The following BBX variants were observed in gnomAD, a reference collection of about 807,000 sequenced individuals.
BBX encodes BBX high mobility group box domain containing, also known as HMG box transcription factor BBX.
A neutral mutation model predicts 100.2 loss-of-function variants in BBX; 30 were observed. The ratio of observed to expected loss-of-function variants is 0.30; its 90% CI spans 0.22 to 0.41. The LOEUF is 0.41. Ranked by LOEUF, BBX falls within the 10% of genes least tolerant of loss-of-function variation. BBX has a pLI of 1.00. For missense variants in BBX, 1,023 were observed against 1,129.8 expected, an observed-to-expected ratio of 0.91 and a Z score of 1.35; for synonymous variants, 376 against 388.1, an observed-to-expected ratio of 0.97 and a Z score of 0.37.
intron 3 of BBX, chr3:107,662,718 C>T (rs1370617101): frequency 2.1e-5 from 3 of 145,824 alleles, no homozygotes; most frequent in Non-Finnish European, 4.5e-5. Flanking sequence ...CTAGTAGATG[C>T]ATGCTTTTCA....
At chr3:107,621,492 G>A (rs1179451775) in intron 2 of BBX, among the ~76,000 whole-genome samples, 2 of 152,070 alleles carry the variant, frequency 1.3e-5, no homozygotes, top group African/African-American at 4.8e-5. Flanking sequence ...TTTTAATGTA[G>A]CAGAGAAAAT....
At chr3:107,755,805 CAAT>C in intron 10 of BBX, 127 bp downstream of exon 10, 2 of 778,856 alleles carry the variant, frequency 2.6e-6, no homozygotes, top group East Asian at 2.5e-5. Flanking sequence ...TAATTTTCAA[CAAT>C]GAGAGGGTTA....
At chr3:107,700,619 T>C (rs969504568) in intron 3 of BBX, among the ~76,000 whole-genome samples, 2 of 123,234 alleles carry the variant, frequency 1.6e-5, no homozygotes, top group Admixed American at 1.8e-4. Context: ...CCCCGGTGTG[T>C]GATGTTCCCC....
intron 2 of BBX, among the ~76,000 whole-genome samples, chr3:107,541,709 G>C (rs1302221980): frequency 6.6e-6 from 1 of 151,940 alleles, no homozygotes; most frequent in African/African-American, 2.4e-5. Flanking sequence ...AAATTAATTA[G>C]AGAATATGAT....
At chr3:107,720,299 G>T (rs1368212326) in intron 5 of BBX, among the ~76,000 whole-genome samples, 1 of 151,886 alleles carries the variant, frequency 6.6e-6, no homozygotes, top group African/African-American at 2.4e-5. Flanking sequence ...AGTATATTTG[G>T]GTAATTATGG....
At position 107,811,019 on chromosome 3, in the gene BBX, C is replaced by CT. The variant is rs2071263965; in HGVS notation, c.*5564dup. On this transcript the variant is annotated 3_prime_UTR_variant, in exon 18 of 18. Transcript: ENST00000325805. ...AATGGTACAACAGAATTATTGCTTT[C>CT]TTAGATGTATGTGTAGTAAAAGTCA... The CT allele has an allele frequency of 6.6e-6, 1 of 151,684 alleles. No homozygotes were observed. The highest frequency in any genetic ancestry group is 1.5e-5 in the Non-Finnish European group (1 of 67,960). 9.4% of individuals were successfully genotyped at this position (151,684 alleles called of 1,614,324 possible). A position where few individuals can be genotyped will look rare whatever the true frequency, so the allele number is the denominator to read the frequency against.
intron 10 of BBX, among the ~76,000 whole-genome samples, chr3:107,766,092 G>A (rs977035391): frequency 3.9e-5 from 6 of 152,116 alleles, no homozygotes; most frequent in Non-Finnish European, 7.4e-5. Flanking sequence ...TACTTTTGAC[G>A]TAAGGAAGAG....
At chr3:107,654,600 A>G (rs2058032033) in intron 3 of BBX, among the ~76,000 whole-genome samples, 1 of 152,164 alleles carries the variant, frequency 6.6e-6, no homozygotes, top group Non-Finnish European at 1.5e-5. Context: ...GATTCCTGAT[A>G]TTAATATGGG....
chr3:107,611,047 A>G (rs954224173), intron 2 of BBX, among the ~76,000 whole-genome samples: 23 of 152,160 alleles, frequency 1.5e-4, no homozygotes, highest in Admixed American at 1.4e-3. Flanking sequence ...TGAGGTTACC[A>G]TGAGTTAGAA....
intron 3 of BBX, among the ~76,000 whole-genome samples, chr3:107,660,556 A>G (rs1463901349): frequency 6.6e-6 from 1 of 150,416 alleles, no homozygotes; most frequent in Non-Finnish European, 1.5e-5. Flanking sequence ...CTATCCAGTC[A>G]CTAGAGGGCA....
chr3:107,764,333 C>G (rs186305978), intron 10 of BBX, among the ~76,000 whole-genome samples: 5 of 152,124 alleles, frequency 3.3e-5, no homozygotes, highest in Non-Finnish European at 7.4e-5. Context: ...TTTCCTTGTG[C>G]GAATCAGAAT....
In BBX at chr3:107,793,090, G is replaced by A. The variant is rs1372851628; in HGVS notation, c.2353+1791G>A. ...TATATAATTTGTGTGTTTAGAGATT[G>A]GGTGAATGATGAGATGTAGTAGTAC... On this transcript the variant is annotated intron_variant, in intron 15 of 17. Coordinates refer to ENST00000325805, the MANE Select transcript of BBX (RefSeq NM_001142568.3). Among the ~76,000 whole-genome samples the A allele has an allele frequency of 3.3e-5, 5 of 152,100 alleles. No homozygotes were observed. In the East Asian group the frequency reaches 9.6e-4, roughly 29 times the overall value.
At chr3:107,662,047 ATT>A (rs1262378101) in intron 3 of BBX, 1 of 303,876 alleles carries the variant, frequency 3.3e-6, no homozygotes, top group Non-Finnish European at 4.8e-6. Flanking sequence ...GAAGAAATAA[ATT>A]TGTAAACTCT....
chr3:107,782,454 C>T (rs923885147), intron 13 of BBX, among the ~76,000 whole-genome samples: 1 of 151,936 alleles, frequency 6.6e-6, no homozygotes, highest in African/African-American at 2.4e-5. Flanking sequence ...TGGGCAAAAG[C>T]CACCACCACC....
At chr3:107,534,169 T>A (rs987456014) in intron 2 of BBX, among the ~76,000 whole-genome samples, 1 of 152,200 alleles carries the variant, frequency 6.6e-6, no homozygotes. Flanking sequence ...CATTATTTAT[T>A]TACATGACTA....
intron 3 of BBX, among the ~76,000 whole-genome samples, chr3:107,677,218 A>G (rs1365607040): frequency 6.6e-6 from 1 of 152,150 alleles, no homozygotes; most frequent in Non-Finnish European, 1.5e-5. Flanking sequence ...TTATAAAAAT[A>G]TGGAAAGCAT....
chr3:107,767,334 G>A lies in BBX; in HGVS notation c.907-5294G>A, dbSNP rs550499164. On this transcript the variant is annotated intron_variant, in intron 10 of 17. Coordinates refer to ENST00000325805, the MANE Select transcript of BBX (RefSeq NM_001142568.3). ...AGGGTCAACAGGGAACTGGTAAAGA[G>A]GCATCAGGGTAAGGCAGAGGCAGCT... Among the ~76,000 whole-genome samples the A allele has an allele frequency of 3.3e-5, 5 of 152,184 alleles. No homozygotes were observed. In the South Asian group the frequency reaches 1.0e-3, roughly 32 times the overall value.
intron 2 of BBX, among the ~76,000 whole-genome samples, chr3:107,580,354 G>C (rs531439422): frequency 6.6e-6 from 1 of 151,048 alleles, no homozygotes; most frequent in South Asian, 2.1e-4. Flanking sequence ...GGTTTTTTTT[G>C]TTGTGATTTT....
At chr3:107,554,896 C>A (rs1488740227) in intron 2 of BBX, among the ~76,000 whole-genome samples, 3 of 151,956 alleles carry the variant, frequency 2.0e-5, no homozygotes, top group African/African-American at 7.3e-5. Flanking sequence ...TGGAGAAACC[C>A]CATCTCTACT....
Sources: allele counts gnomAD v4.1 joint callset (sites outside exome capture counted in the v4.1 genomes callset), GRCh38; gene constraint gnomAD v4.1.1; transcripts MANE v1.5; gene names NCBI Gene and HGNC (gene_info 2026-07-23, HGNC 2026-07-21).